Variants in EEIG2 observed in about 807,000 individuals in gnomAD.
EEIG2 encodes the protein family with sequence similarity 102 member B.
the EEIG2 span, among the ~76,000 whole-genome samples, chr1:108,602,379 T>G: frequency 6.6e-6 from 1 of 152,154 alleles, no homozygotes; most frequent in African/African-American, 2.4e-5. Context: ...GGAGAAACTC[T>G]CACACCTCTC....
chr1:108,567,595 T>C, the EEIG2 span, among the ~76,000 whole-genome samples: 1 of 152,248 alleles, frequency 6.6e-6, no homozygotes, highest in African/African-American at 2.4e-5. Context: ...TATAACTTTT[T>C]CTGAATGTCA....
the EEIG2 span, among the ~76,000 whole-genome samples, chr1:108,560,873 A>G: frequency 6.6e-6 from 1 of 152,100 alleles, no homozygotes; most frequent in African/African-American, 2.4e-5. Flanking sequence ...GTGAAATGCA[A>G]AGTAGAACTT....
At chr1:108,572,399 A>G in the EEIG2 span, among the ~76,000 whole-genome samples, 1 of 152,100 alleles carries the variant, frequency 6.6e-6, no homozygotes, top group Non-Finnish European at 1.5e-5. Context: ...TTTTGCCAGT[A>G]GAGAACCTAC....
At chr1:108,613,347 C>G in the EEIG2 span, among the ~76,000 whole-genome samples, 4 of 152,168 alleles carry the variant, frequency 2.6e-5, no homozygotes, top group Admixed American at 6.5e-5. Context: ...AGAGCTGAAA[C>G]TAAAGTATCT....
the EEIG2 span, among the ~76,000 whole-genome samples, chr1:108,607,571 C>T: frequency 2.0e-5 from 3 of 152,172 alleles, no homozygotes; most frequent in African/African-American, 7.2e-5. Context: ...TGCCTGTAAT[C>T]CCAGCACTTT....
the EEIG2 span, among the ~76,000 whole-genome samples, chr1:108,620,602 C>T: frequency 7.9e-5 from 12 of 152,212 alleles, no homozygotes; most frequent in African/African-American, 7.2e-5. Context: ...GGTTCTGACG[C>T]GTTCATATTC....
the EEIG2 span, among the ~76,000 whole-genome samples, chr1:108,595,550 G>GGAGGGAGAGAGGGAGAGAGGGAGA: frequency 7.3e-6 from 1 of 137,324 alleles, no homozygotes; most frequent in African/African-American, 2.7e-5. Flanking sequence ...TAGCTTTTAC[G>GGAGGGAGAGAGGGAGAGAGGGAGA]GAGGGAGAGA....
At chr1:108,619,092 C>A in the EEIG2 span, among the ~76,000 whole-genome samples, 1 of 152,136 alleles carries the variant, frequency 6.6e-6, no homozygotes, top group Non-Finnish European at 1.5e-5. Context: ...TTCTCATGAA[C>A]TTTTTATGGA....
the EEIG2 span, among the ~76,000 whole-genome samples, chr1:108,611,575 A>G: frequency 6.6e-6 from 1 of 152,248 alleles, no homozygotes; most frequent in African/African-American, 2.4e-5. Context: ...GATTTAGTTC[A>G]AGGATGATCA....
the EEIG2 span, among the ~76,000 whole-genome samples, chr1:108,575,071 C>A: frequency 3.9e-5 from 6 of 152,124 alleles, no homozygotes; most frequent in African/African-American, 1.4e-4. Flanking sequence ...TTAGAAAAAT[C>A]CCTCTGTCAT....
At chr1:108,585,700 A>G in the EEIG2 span, among the ~76,000 whole-genome samples, 3 of 152,146 alleles carry the variant, frequency 2.0e-5, no homozygotes, top group African/African-American at 7.2e-5. Flanking sequence ...GCCTTTGATT[A>G]TAAGTTACTT....
At chr1:108,599,019 G>A in the EEIG2 span, among the ~76,000 whole-genome samples, 2 of 151,996 alleles carry the variant, frequency 1.3e-5, no homozygotes, top group East Asian at 3.9e-4. Context: ...ACAAAACTTG[G>A]TTGAGTGTGG....
the EEIG2 span, among the ~76,000 whole-genome samples, chr1:108,561,488 C>T: frequency 6.6e-6 from 1 of 151,988 alleles, no homozygotes; most frequent in Non-Finnish European, 1.5e-5. Flanking sequence ...TTTATTTCTG[C>T]CCTAAAAATA....
chr1:108,614,189 G>T, the EEIG2 span, among the ~76,000 whole-genome samples: 1 of 126,226 alleles, frequency 7.9e-6, no homozygotes. Context: ...GGGCAACATA[G>T]TGAGAACCCC....
chr1:108,622,975 C>T, the EEIG2 span, among the ~76,000 whole-genome samples: 1 of 152,242 alleles, frequency 6.6e-6, no homozygotes, highest in South Asian at 2.1e-4. Context: ...TGGCTCGTAC[C>T]TGTAATCCCA....
the EEIG2 span, chr1:108,560,672 C>T: frequency 3.8e-6 from 5 of 1,321,674 alleles, no homozygotes; most frequent in South Asian, 7.0e-5. Context: ...AGGGACCGCT[C>T]TAAAATCAGT....
At chr1:108,608,696 T>C in the EEIG2 span, among the ~76,000 whole-genome samples, 5 of 152,252 alleles carry the variant, frequency 3.3e-5, no homozygotes, top group Admixed American at 6.5e-5. Flanking sequence ...TAGCCTGAAA[T>C]ATCACATTGA....
the EEIG2 span, among the ~76,000 whole-genome samples, chr1:108,595,750 A>G: frequency 6.6e-6 from 1 of 151,194 alleles, no homozygotes. Context: ...TAGCTTTTAC[A>G]TGCTGGAGGG....
At chr1:108,560,122 A>AGGCGGCGGCGGCGGAGGC in the EEIG2 span, 1 of 173,448 alleles carries the variant, frequency 5.8e-6, no homozygotes, top group Non-Finnish European at 1.1e-5. Context: ...GCGGCGGCGG[A>AGGCGGCGGCGGCGGAGGC]GGCGGCGGCG....
Sources: allele counts gnomAD v4.1 joint callset (sites outside exome capture counted in the v4.1 genomes callset), GRCh38; gene constraint gnomAD v4.1.1; transcripts MANE v1.5; gene names NCBI Gene and HGNC (gene_info 2026-07-23, HGNC 2026-07-21).